The following ITGAM variants were observed in gnomAD, a reference collection of about 807,000 sequenced individuals.
ITGAM encodes integrin subunit alpha M, also known as integrin alpha-M.
Under a neutral mutation model 137.5 loss-of-function variants are expected in ITGAM, and 79 were observed. That is an observed-to-expected ratio of 0.57 (90% confidence interval 0.48 to 0.69). ITGAM has a LOEUF of 0.69. Among genes scored for constraint, ITGAM ranks in the 30% least tolerant of loss-of-function variants. ITGAM has a pLI of 0.00. For missense variants in ITGAM, 1,343 were observed against 1,483.5 expected (o/e 0.91, Z 1.56); for synonymous variants, 583 against 592.3 (o/e 0.98, Z 0.23).
chr16:31,315,309 TG>T (rs1204488188), intron 14 of ITGAM, among the ~76,000 whole-genome samples: 1 of 152,212 alleles, frequency 6.6e-6, no homozygotes, highest in East Asian at 1.9e-4. Flanking sequence ...TGTCTGTTTT[TG>T]TTTTTGTTGC....
intron 23 of ITGAM, 84 bp from the exon 24 acceptor site, chr16:31,329,144 C>A: frequency 1.7e-6 from 1 of 603,186 alleles, no homozygotes; most frequent in South Asian, 1.5e-5. Flanking sequence ...TGTGCCTGTT[C>A]GCTCCTTACA....
chr16:31,290,594 A>G lies in ITGAM; in HGVS notation c.1357-6920A>G, dbSNP rs187617736. Among the ~76,000 whole-genome samples, 5 of 152,304 alleles carry G rather than the reference A, an allele frequency of 3.3e-5. No individual in the cohort carries two copies. In the East Asian group the frequency reaches 9.6e-4, roughly 29 times the overall value. ...ACTAAAGGGAACTTCCTCAAGCTGA[A>G]AAAGAGCATTTACAAAAAATCTCTA... On this transcript the variant is annotated intron_variant, in intron 12 of 29. Transcript: ENST00000544665.
intron 29 of ITGAM, 25 bp from the exon 30 acceptor site, chr16:31,331,611 C>G (rs1214315982): frequency 3.8e-6 from 6 of 1,584,156 alleles, no homozygotes; most frequent in Non-Finnish European, 5.2e-6. Flanking sequence ...TGCTGTCGCT[C>G]TCACTGCCCT....
At position 31,278,095 on chromosome 16, in the gene ITGAM, G is replaced by A. The variant is rs1447582914; in HGVS notation, c.1342G>A (p.Val448Ile). 6.2e-7 allele frequency: 1 copy of A among 1,608,112 alleles called. No homozygotes were observed. Among genetic ancestry groups the A allele is most frequent in the African/African-American group, 1.3e-5 (1 of 74,920 alleles). Reference sequence around the variant, plus strand: ...TGGCATGTGGGAGTCCAACGCTAATGTCAAGGGCACCCAGGTGAGTGCGGT... The same window carrying A: ...TGGCATGTGGGAGTCCAACGCTAATATCAAGGGCACCCAGGTGAGTGCGGT... ...NTGMWESNAN[V>I]KGTQIGAYFG... Residue 448 changes from valine (V) to isoleucine (I), a missense_variant, in exon 12 of 30, where the codon GTC (valine) becomes ATC (isoleucine). Coordinates refer to ENST00000544665, the MANE Select transcript of ITGAM (RefSeq NM_000632.4).
chr16:31,328,154 A>G lies in ITGAM; in HGVS notation c.2716A>G (p.Asn906Asp). The G allele has an allele frequency of 6.2e-7, 1 of 1,613,810 alleles. No homozygotes were observed. The highest frequency in any genetic ancestry group is 8.5e-7 in the Non-Finnish European group (1 of 1,179,714). ...CTCTTTCTTTCCCTCCAGTGAGAAC[A>G]ACATGCCCAGAACCAACAAAACCGA... ...LLKANVTSEN[N>D]MPRTNKTEFQ... Residue 906 changes from asparagine (N) to aspartate (D), a missense_variant, in exon 23 of 30, where the codon AAC becomes GAC. Physicochemically the swap from Asn to Asp is conservative, Grantham distance 23. Transcript: ENST00000544665.
At chr16:31,298,026 A>G in intron 14 of ITGAM, 72 bp downstream of exon 14, 1 of 1,253,562 alleles carries the variant, frequency 8.0e-7, no homozygotes, top group Non-Finnish European at 1.2e-6. Flanking sequence ...CAGTGTGCCC[A>G]CAGCTGCCAG....
At chr16:31,309,208 G>A (rs2144427503) in intron 14 of ITGAM, among the ~76,000 whole-genome samples, 1 of 25,638 alleles carries the variant, frequency 3.9e-5, no homozygotes, top group East Asian at 5.4e-4. Flanking sequence ...GGATATCCTT[G>A]TTAACTTTCT....
intron 12 of ITGAM, among the ~76,000 whole-genome samples, chr16:31,279,242 G>C (rs1201633941): frequency 6.6e-6 from 1 of 152,044 alleles, no homozygotes; most frequent in Non-Finnish European, 1.5e-5. Context: ...TAATTCTTTG[G>C]GTATATACCC....
chr16:31,263,974 T>C lies in ITGAM; in HGVS notation c.135-1421T>C, dbSNP rs1050558158. ...CCTCAGCCTCCCGAGTAGCTGGGAC[T>C]ACAGGTGCGTGCCACCACGCCTGGC... On this transcript the variant is annotated intron_variant, in intron 2 of 29. Transcript: ENST00000544665. Among the ~76,000 whole-genome samples, 17 of 151,930 alleles carry C rather than the reference T, an allele frequency of 1.1e-4. No homozygotes were observed. In the South Asian group the frequency reaches 2.1e-3, roughly 19 times the overall value.
At position 31,271,837 on chromosome 16, in the gene ITGAM, C is replaced by G. The variant is rs754244887; in HGVS notation, c.559-10C>G. 1 of 1,613,788 alleles carries G rather than the reference C, an allele frequency of 6.2e-7. No homozygotes were observed. The highest frequency in any genetic ancestry group is 1.7e-5 in the Admixed American group (1 of 59,974). On this transcript the variant is annotated splice_polypyrimidine_tract_variant and intron_variant, in intron 6 of 29. Transcript: ENST00000544665. ...CTTCTCCAGCATCACACCAGCCGCCCCCTCCGCAGTTCTCTTTGATGCAGT... is the reference window on the plus strand; with the variant it reads ...CTTCTCCAGCATCACACCAGCCGCCGCCTCCGCAGTTCTCTTTGATGCAGT...
intron 5 of ITGAM, among the ~76,000 whole-genome samples, chr16:31,270,709 AT>A (rs2079824770): frequency 1.1e-5 from 1 of 88,590 alleles, no homozygotes; most frequent in Non-Finnish European, 2.2e-5. Context: ...GTATATATAT[AT>A]ATATATATAT....
chr16:31,277,956 C>CCCACCTTCAGGTTATGCTG lies in ITGAM; in HGVS notation c.1214-8_1224dup. On this transcript the variant is annotated splice_polypyrimidine_tract_variant and intron_variant, in intron 11 of 29. Transcript: ENST00000544665. Reference sequence around the variant, plus strand: ...GGGAATGCACTTCACCTCTCAGACCCCCACCTTCAGGTTATGCTGCCGCCA... The same window carrying CCCACCTTCAGGTTATGCTG: ...GGGAATGCACTTCACCTCTCAGACCCCCACCTTCAGGTTATGCTGCCACCTTCAGGTTATGCTGCCGCCA... 1 of 1,581,890 alleles carries CCCACCTTCAGGTTATGCTG rather than the reference C, an allele frequency of 6.3e-7. No individual in the cohort carries two copies. The highest frequency in any genetic ancestry group is 8.6e-7 in the Non-Finnish European group (1 of 1,163,560).
chr16:31,330,351 C>T lies in ITGAM; in HGVS notation c.3104C>T (p.Pro1035Leu), dbSNP rs1249103513. Residue 1035 changes from proline (P) to leucine (L), a missense_variant, in exon 27 of 30, where the codon CCG (proline) becomes CTG (leucine). Pro to Leu is a moderately conservative substitution (Grantham distance 98, BLOSUM62 -3). Coordinates refer to ENST00000544665, the MANE Select transcript of ITGAM (RefSeq NM_000632.4). ...AVCQRIQCDIPFFGIQEEFNA... is the reference protein window; with the variant it reads ...AVCQRIQCDILFFGIQEEFNA... ...TGCCAGAGAATCCAGTGTGACATCC[C>T]GTTCTTTGGCATCCAGGAAGAATTC... is the stretch of plus-strand genomic sequence containing the variant. The T allele has an allele frequency of 6.2e-7, 1 of 1,613,874 alleles. No homozygotes were observed. The highest frequency in any genetic ancestry group is 1.3e-5 in the African/African-American group (1 of 74,934).
chr16:31,305,704 G>A (rs73534428), intron 14 of ITGAM, among the ~76,000 whole-genome samples: 3 of 152,016 alleles, frequency 2.0e-5, no homozygotes, highest in Admixed American at 1.3e-4. Flanking sequence ...TGCTTGTTCT[G>A]CATCTATTGA....
chr16:31,331,156 C>T lies in ITGAM; in HGVS notation c.3277-9C>T, dbSNP rs2144511741. The T allele has an allele frequency of 6.6e-7, 1 of 1,525,238 alleles. No individual in the cohort carries two copies. The highest frequency in any genetic ancestry group is 2.3e-5 in the East Asian group (1 of 44,368). 94.5% of individuals were successfully genotyped at this position (1,525,238 alleles called of 1,614,324 possible). A position where few individuals can be genotyped will look rare whatever the true frequency, so the allele number is the denominator to read the frequency against. On this transcript the variant is annotated splice_polypyrimidine_tract_variant and intron_variant, in intron 28 of 29. Coordinates refer to ENST00000544665, the MANE Select transcript of ITGAM (RefSeq NM_000632.4). ...TCGTCTCCCCTGACGCCCCTCCTTC[C>T]TCCCCCAGACGGAGACCAAAGTGGA... is the stretch of plus-strand genomic sequence containing the variant.
At chr16:31,315,991 G>A (rs2080387671) in intron 14 of ITGAM, among the ~76,000 whole-genome samples, 1 of 149,304 alleles carries the variant, frequency 6.7e-6, no homozygotes, top group Non-Finnish European at 1.5e-5. Context: ...TCAGGAAATC[G>A]AGACCGTCAT....
intron 16 of ITGAM, among the ~76,000 whole-genome samples, chr16:31,322,001 ACTT>A (rs1294916446): frequency 6.6e-6 from 1 of 152,198 alleles, no homozygotes; most frequent in Non-Finnish European, 1.5e-5. Flanking sequence ...ATCACCAGTG[ACTT>A]CTTCCCTTGT....
chr16:31,320,146 A>C (rs2080434121), intron 14 of ITGAM, among the ~76,000 whole-genome samples: 1 of 152,110 alleles, frequency 6.6e-6, no homozygotes, highest in Admixed American at 6.6e-5. Flanking sequence ...TAACTTCTAA[A>C]GGTATTTTCT....
chr16:31,277,889 C>G, intron 11 of ITGAM, 78 bp from the exon 12 acceptor site: 1 of 1,458,574 alleles, frequency 6.9e-7, no homozygotes, highest in Non-Finnish European at 9.3e-7. Flanking sequence ...TGCCCCAGTG[C>G]CCCTACTCAA....
Sources: gnomAD v4.1 joint callset for allele counts (sites outside exome capture counted in the v4.1 genomes callset) on GRCh38, gnomAD v4.1.1 for gene constraint, MANE v1.5 for transcripts, NCBI Gene and HGNC (gene_info 2026-07-23, HGNC 2026-07-21) for gene names.